The following GXYLT1 variants were observed in gnomAD, a reference collection of about 807,000 sequenced individuals.
The protein encoded by GXYLT1 is glucoside xylosyltransferase 1.
Under a neutral mutation model 54.0 loss-of-function variants are expected in GXYLT1, and 29 were observed. The ratio of observed to expected loss-of-function variants is 0.54; its 90% CI spans 0.40 to 0.73. The LOEUF is 0.73. Among genes scored for constraint, GXYLT1 ranks in the 30% least tolerant of loss-of-function variants. GXYLT1 has a pLI of 0.00. For synonymous variants in GXYLT1, 176 were observed against 204.1 expected (o/e 0.86, Z 1.17); for missense variants, 490 against 553.4 (o/e 0.89, Z 1.15).
intron 4 of GXYLT1, among the ~76,000 whole-genome samples, chr12:42,108,305 CAT>C (rs754832067): frequency 4.6e-5 from 7 of 152,300 alleles, no homozygotes; most frequent in Admixed American, 2.6e-4. Flanking sequence ...CAAAACCTCA[CAT>C]CTTTCTTTCA....
intron 4 of GXYLT1, among the ~76,000 whole-genome samples, chr12:42,107,819 TTACTA>T (rs2065430102): frequency 1.3e-5 from 2 of 152,212 alleles, no homozygotes. Flanking sequence ...TGTTTACAGA[TTACTA>T]TATTCTTAGC....
At chr12:42,114,018 C>T (rs1273240675) in intron 3 of GXYLT1, among the ~76,000 whole-genome samples, 4 of 152,288 alleles carry the variant, frequency 2.6e-5, no homozygotes, top group Middle Eastern at 6.8e-3. Context: ...ACAACCTGCT[C>T]CGGAATGACT....
Position 42,085,248 on chromosome 12 carries a change from G to A in GXYLT1, c.*2538C>T, listed in dbSNP as rs1373550913. 1 of 138,060 alleles carries A rather than the reference G, an allele frequency of 7.2e-6. No homozygotes were observed. Among genetic ancestry groups the A allele is most frequent in the African/African-American group, 2.7e-5 (1 of 37,382 alleles). The allele number at this position is 138,060 out of a possible 1,614,324, so 8.6% of individuals were successfully genotyped here. ...AATTTATGGTAAAATGATCAATTAGGTCAGGTCTAAATAAACCAGATGAAG... is the reference window on the plus strand; with the variant it reads ...AATTTATGGTAAAATGATCAATTAGATCAGGTCTAAATAAACCAGATGAAG... On this transcript the variant is annotated 3_prime_UTR_variant, in exon 8 of 8. Transcript: ENST00000398675.
At chr12:42,130,647 A>G (rs1042700261) in intron 1 of GXYLT1, among the ~76,000 whole-genome samples, 2 of 152,160 alleles carry the variant, frequency 1.3e-5, no homozygotes, top group African/African-American at 2.4e-5. Flanking sequence ...ATACATATAC[A>G]CACATGCATA....
intron 1 of GXYLT1, among the ~76,000 whole-genome samples, chr12:42,134,526 T>C (rs1592126582): frequency 1.3e-5 from 2 of 152,292 alleles, no homozygotes; most frequent in South Asian, 4.1e-4. Flanking sequence ...CCCAGGCTTA[T>C]TATTTATATC....
At chr12:42,133,584 A>C (rs1485691276) in intron 1 of GXYLT1, among the ~76,000 whole-genome samples, 2 of 152,158 alleles carry the variant, frequency 1.3e-5, no homozygotes, top group Non-Finnish European at 2.9e-5. Context: ...ATGCCACACC[A>C]TTCTGATCTA....
chr12:42,117,140 AG>A (rs2065500891), intron 3 of GXYLT1, among the ~76,000 whole-genome samples: 3 of 78,434 alleles, frequency 3.8e-5, no homozygotes, highest in African/African-American at 1.0e-4. Context: ...GGGTTGGGGG[AG>A]GGGGGAGGGA....
intron 1 of GXYLT1, among the ~76,000 whole-genome samples, chr12:42,138,507 C>A (rs1202159999): frequency 6.0e-5 from 9 of 149,580 alleles, no homozygotes. Context: ...CCCAGCTCCC[C>A]CACAAAGCTG....
chr12:42,128,232 C>T (rs1037378780), intron 2 of GXYLT1, among the ~76,000 whole-genome samples: 9 of 151,460 alleles, frequency 5.9e-5, no homozygotes, highest in Admixed American at 2.6e-4. Flanking sequence ...TTCAAAACTG[C>T]GAAGAGAATA....
intron 1 of GXYLT1, among the ~76,000 whole-genome samples, chr12:42,133,093 G>A (rs2065601698): frequency 6.6e-6 from 1 of 152,082 alleles, no homozygotes; most frequent in African/African-American, 2.4e-5. Flanking sequence ...GAATGGCCTG[G>A]CCAACATGGT....
intron 3 of GXYLT1, 60 bp downstream of exon 3, chr12:42,118,940 T>TA: frequency 8.2e-7 from 1 of 1,213,960 alleles, no homozygotes; most frequent in Non-Finnish European, 1.2e-6. Flanking sequence ...AACAACATTC[T>TA]ATTATAGTAT....
At chr12:42,106,141 G>T in intron 4 of GXYLT1, 72 bp from the exon 5 acceptor site, 2 of 1,025,100 alleles carry the variant, frequency 2.0e-6, no homozygotes, top group Non-Finnish European at 2.9e-6. Flanking sequence ...ACCTCTAATT[G>T]TGTAAGATAC....
In GXYLT1 at chr12:42,083,457, C is replaced by A. The variant is rs1444389032; in HGVS notation, c.*4329G>T. ...TTGCATTTAATAAATGGATAACTGG[C>A]CCCACACCTGACATATTGCACCCCT... On this transcript the variant is annotated 3_prime_UTR_variant, in exon 8 of 8. Coordinates refer to ENST00000398675, the MANE Select transcript of GXYLT1 (RefSeq NM_173601.2). The A allele has an allele frequency of 6.6e-6, 1 of 152,208 alleles. No individual in the cohort carries two copies. Among genetic ancestry groups the A allele is most frequent in the Non-Finnish European group, 1.5e-5 (1 of 68,036 alleles). 9.4% of individuals were successfully genotyped at this position (152,208 alleles called of 1,614,324 possible).
intron 3 of GXYLT1, among the ~76,000 whole-genome samples, 186 bp from the exon 4 acceptor site, chr12:42,109,877 A>T (rs971858066): frequency 2.0e-5 from 3 of 152,204 alleles, no homozygotes; most frequent in Admixed American, 6.5e-5. Flanking sequence ...TAAAAATCAA[A>T]ATTAGATCCC....
At chr12:42,144,040 G>GC (rs1278167856) in intron 1 of GXYLT1, among the ~76,000 whole-genome samples, 1 of 152,124 alleles carries the variant, frequency 6.6e-6, no homozygotes, top group Non-Finnish European at 1.5e-5. Context: ...CTGAACTAGG[G>GC]CGCCAGCCTC....
chr12:42,129,977 T>C, intron 1 of GXYLT1, 126 bp from the exon 2 acceptor site: 2 of 597,586 alleles, frequency 3.3e-6, no homozygotes, highest in Non-Finnish European at 5.8e-6. Context: ...TAAATCCAAA[T>C]TGCTATGATA....
At chr12:42,132,165 G>A (rs1301372149) in intron 1 of GXYLT1, among the ~76,000 whole-genome samples, 1 of 152,052 alleles carries the variant, frequency 6.6e-6, no homozygotes, top group Admixed American at 6.6e-5. Flanking sequence ...AAACCTGCCT[G>A]GTCCTCAGGT....
In GXYLT1 at chr12:42,144,695, C is replaced by T. The variant is rs1187892840; in HGVS notation, c.-49G>A. On this transcript the variant is annotated 5_prime_UTR_variant, in exon 1 of 8. Coordinates refer to ENST00000398675, the MANE Select transcript of GXYLT1 (RefSeq NM_173601.2). ...GCCGCCGCCGCCGCGCCCGCCCCGACGAACTGGAGCGGAGGGAGGGGCACC... is the reference window on the plus strand; with the variant it reads ...GCCGCCGCCGCCGCGCCCGCCCCGATGAACTGGAGCGGAGGGAGGGGCACC... 2 of 1,343,742 alleles carry T rather than the reference C, an allele frequency of 1.5e-6. No homozygotes were observed. 83.2% of individuals were successfully genotyped at this position (1,343,742 alleles called of 1,614,324 possible).
At chr12:42,121,291 A>G (rs185770160) in intron 2 of GXYLT1, among the ~76,000 whole-genome samples, 3 of 152,348 alleles carry the variant, frequency 2.0e-5, no homozygotes, top group African/African-American at 7.2e-5. Flanking sequence ...TGTTTTGTAG[A>G]GCATCAGCTA....
Sources: gnomAD v4.1 joint callset for allele counts (sites outside exome capture counted in the v4.1 genomes callset) on GRCh38, gnomAD v4.1.1 for gene constraint, MANE v1.5 for transcripts, NCBI Gene and HGNC (gene_info 2026-07-23, HGNC 2026-07-21) for gene names.